DNAH11: variants seen among roughly 807,000 people sequenced by gnomAD.
The protein encoded by DNAH11 is dynein axonemal heavy chain 11, also known as axonemal beta dynein heavy chain 11.
A neutral mutation model predicts 526.0 loss-of-function variants in DNAH11; 442 were observed. The ratio of observed to expected loss-of-function variants is 0.84; its 90% CI spans 0.78 to 0.91. The LOEUF is 0.91. Ranked by LOEUF, DNAH11 falls within the 40% of genes least tolerant of loss-of-function variation. The probability of loss-of-function intolerance (pLI) is 0.00; values close to 1 mark genes in which losing one functional copy is unlikely to be tolerated. For missense variants in DNAH11, 6,989 were observed against 5,448.7 expected, an observed-to-expected ratio of 1.28 and a Z score of -8.90; for synonymous variants, 2,461 against 1,935.9, an observed-to-expected ratio of 1.27 and a Z score of -7.12.
At chr7:21,690,311 G>T (rs1406885178) in intron 34 of DNAH11, among the ~76,000 whole-genome samples, 6 of 152,172 alleles carry the variant, frequency 3.9e-5, no homozygotes, top group Non-Finnish European at 8.8e-5. Flanking sequence ...TCAATGAAAG[G>T]TATGGAGGGA....
chr7:21,796,277 T>C (rs1372135445), intron 61 of DNAH11, among the ~76,000 whole-genome samples: 8 of 152,062 alleles, frequency 5.3e-5, no homozygotes, highest in Admixed American at 2.6e-4. Flanking sequence ...CTAGCCCCAG[T>C]AGGGATCTGT....
At chr7:21,620,877 C>G (rs1786014959) in intron 25 of DNAH11, among the ~76,000 whole-genome samples, 3 of 151,756 alleles carry the variant, frequency 2.0e-5, no homozygotes, top group Admixed American at 1.3e-4. Context: ...ATCCATGTCC[C>G]TACAAAGGAC....
At chr7:21,768,730 C>T (rs372239212) in intron 55 of DNAH11, among the ~76,000 whole-genome samples, 2 of 152,202 alleles carry the variant, frequency 1.3e-5, no homozygotes, top group African/African-American at 4.8e-5. Flanking sequence ...CAACTGATGG[C>T]GAGAAAGTCC....
At chr7:21,550,248 C>A (rs970740834) in intron 2 of DNAH11, among the ~76,000 whole-genome samples, 15 of 152,148 alleles carry the variant, frequency 9.9e-5, no homozygotes, top group African/African-American at 3.1e-4. Flanking sequence ...AGGGACCTTT[C>A]CAGCTTAGGT....
chr7:21,621,979 C>T (rs1305335269), intron 25 of DNAH11, among the ~76,000 whole-genome samples: 2 of 152,074 alleles, frequency 1.3e-5, no homozygotes, highest in South Asian at 4.1e-4. Context: ...GGCATTTTGG[C>T]AGGAGAAGGA....
rs151290440 is a variant in DNAH11, at chr7:21,743,487, G to A, written c.8155-951G>A. Among the ~76,000 whole-genome samples the A allele has an allele frequency of 2.6e-3, 389 of 152,268 alleles. 2 individuals carry two copies. The highest frequency in any genetic ancestry group is 9.0e-3 in the African/African-American group (372 of 41,560). ...CCCTGTACAGTAAAAATGGATGGCT[G>A]AAATTTCTTTTGTGACAGAGGTGGT... On this transcript the variant is annotated intron_variant, in intron 49 of 81. Coordinates refer to ENST00000409508, the MANE Select transcript of DNAH11 (RefSeq NM_001277115.2).
intron 45 of DNAH11, among the ~76,000 whole-genome samples, chr7:21,731,376 C>T (rs533948444): frequency 1.3e-5 from 2 of 151,958 alleles, no homozygotes; most frequent in Non-Finnish European, 2.9e-5. Context: ...ATGATCATGG[C>T]CATGTTGTTC....
Position 21,638,853 on chromosome 7 carries a change from G to C in DNAH11, c.4818-86G>C, listed in dbSNP as rs1272426207. 3 of 1,463,680 alleles carry C rather than the reference G, an allele frequency of 2.0e-6. No individual in the cohort carries two copies. The Admixed American group carries it at 6.5e-5, about 32-fold the overall frequency. 90.7% of individuals were successfully genotyped at this position (1,463,680 alleles called of 1,614,324 possible). On this transcript the variant is annotated intron_variant, in intron 27 of 81. Transcript: ENST00000409508. Reference sequence around the variant, plus strand: ...AACAGTGAGTTTACTATAATGAATGGACATAGAGGACTTGAGTTTTGTTTT... The same window carrying C: ...AACAGTGAGTTTACTATAATGAATGCACATAGAGGACTTGAGTTTTGTTTT...
intron 62 of DNAH11, among the ~76,000 whole-genome samples, chr7:21,805,334 A>C (rs901951003): frequency 6.6e-6 from 1 of 152,180 alleles, no homozygotes; most frequent in African/African-American, 2.4e-5. Flanking sequence ...TCGCAAGAAC[A>C]GGAAACTTCA....
intron 35 of DNAH11, among the ~76,000 whole-genome samples, chr7:21,694,740 G>A (rs973162930): frequency 6.6e-6 from 1 of 152,154 alleles, no homozygotes; most frequent in South Asian, 2.1e-4. Flanking sequence ...GGGTCAAATG[G>A]TATTTCTGGT....
intron 55 of DNAH11, 58 bp from the exon 56 acceptor site, chr7:21,773,708 T>TTA (rs1787537736): frequency 2.5e-6 from 3 of 1,223,710 alleles, no homozygotes; most frequent in Non-Finnish European, 3.3e-6. Flanking sequence ...TGATTTTTTT[T>TTA]AAGTTGTATT....
chr7:21,874,654 T>C (rs1783636692), intron 74 of DNAH11, among the ~76,000 whole-genome samples: 1 of 152,006 alleles, frequency 6.6e-6, no homozygotes, highest in Non-Finnish European at 1.5e-5. Flanking sequence ...AATACATATA[T>C]AAATTAATAC....
intron 24 of DNAH11, among the ~76,000 whole-genome samples, chr7:21,619,744 T>A (rs1785949407): frequency 6.6e-6 from 1 of 152,192 alleles, no homozygotes; most frequent in Non-Finnish European, 1.5e-5. Context: ...CAGTAGAAGT[T>A]TGATGTTAGT....
chr7:21,837,190 C>G (rs1450959201), intron 65 of DNAH11, among the ~76,000 whole-genome samples: 2 of 151,912 alleles, frequency 1.3e-5, no homozygotes, highest in Admixed American at 6.6e-5. Context: ...GTAGAGATTC[C>G]TCGAAAAACT....
At chr7:21,641,300 G>A (rs973010613) in intron 28 of DNAH11, among the ~76,000 whole-genome samples, 1 of 152,190 alleles carries the variant, frequency 6.6e-6, no homozygotes, top group Admixed American at 6.5e-5. Context: ...CGGGGGAGAT[G>A]CCATGGCCTC....
At chr7:21,834,313 G>A (rs1474419035) in intron 65 of DNAH11, among the ~76,000 whole-genome samples, 1 of 152,050 alleles carries the variant, frequency 6.6e-6, no homozygotes, top group South Asian at 2.1e-4. Context: ...AAGAAAAATG[G>A]AAGCACATAC....
rs1305188692 is a variant in DNAH11 at position 21,801,186 on chromosome 7, C to T, written c.10076C>T (p.Thr3359Ile). 3 of 1,612,836 alleles carry T rather than the reference C, an allele frequency of 1.9e-6. No individual in the cohort carries two copies. The highest frequency in any genetic ancestry group is 1.7e-6 in the Non-Finnish European group (2 of 1,179,484). ...CTCACGGCTTCATTTGAAAAAGCAA[C>T]AGCTGAGAAAGTCCGGTGTCAAGAA... Reference protein sequence around the residue: ...SRLTASFEKATAEKVRCQEEV... With the variant: ...SRLTASFEKAIAEKVRCQEEV... The change falls in exon 62 of 82, where the codon ACA (threonine) becomes ATA (isoleucine). Residue 3359 changes from threonine to isoleucine, a missense_variant. By Grantham distance (89) the Thr-to-Ile change is moderately conservative. Transcript: ENST00000409508.
chr7:21,719,830 G>A (rs901063512), intron 43 of DNAH11, among the ~76,000 whole-genome samples: 5 of 152,196 alleles, frequency 3.3e-5, no homozygotes, highest in African/African-American at 7.2e-5. Context: ...AAAATCTATC[G>A]TTGCCTGCAA....
chr7:21,727,803 C>T (rs1364033797), intron 45 of DNAH11, among the ~76,000 whole-genome samples: 2 of 152,180 alleles, frequency 1.3e-5, no homozygotes, highest in East Asian at 3.9e-4. Context: ...GACCAGGTGG[C>T]ACAAACAATA....
Sources: gnomAD v4.1 joint callset for allele counts (sites outside exome capture counted in the v4.1 genomes callset) on GRCh38, gnomAD v4.1.1 for gene constraint, MANE v1.5 for transcripts, NCBI Gene and HGNC (gene_info 2026-07-23, HGNC 2026-07-21) for gene names.